Variants in INSR observed in about 807,000 individuals in gnomAD.
INSR encodes the protein IR.
Under a neutral mutation model 142.6 loss-of-function variants are expected in INSR, and 67 were observed. That is an observed-to-expected ratio of 0.47 (90% CI 0.39 to 0.58). INSR has a LOEUF of 0.58. Among genes scored for constraint, INSR ranks in the 20% least tolerant of loss-of-function variants. The pLI is 0.00. For synonymous variants in INSR, 756 were observed against 743.1 expected, an observed-to-expected ratio of 1.02 and a Z score of -0.28; for missense variants, 1,248 against 1,833.2, an observed-to-expected ratio of 0.68 and a Z score of 5.83.
intron 2 of INSR, among the ~76,000 whole-genome samples, chr19:7,237,276 T>G (rs1976188626): frequency 6.6e-6 from 1 of 151,616 alleles, no homozygotes; most frequent in African/African-American, 2.4e-5. Flanking sequence ...CCCAGCACAT[T>G]AGGAGGCCAA....
intron 12 of INSR, 144 bp from the exon 13 acceptor site, chr19:7,141,960 C>T: frequency 1.4e-6 from 1 of 721,336 alleles, no homozygotes; most frequent in Admixed American, 2.0e-5. Flanking sequence ...ATCTAAAACT[C>T]ATCCCACAAG....
intron 2 of INSR, among the ~76,000 whole-genome samples, chr19:7,231,775 CT>C (rs11453584): frequency 1.3e-3 from 184 of 145,208 alleles, no homozygotes; most frequent in Non-Finnish European, 7.4e-4. Flanking sequence ...TTTTCTGTCT[CT>C]TTTTTTTTTT....
intron 2 of INSR, among the ~76,000 whole-genome samples, chr19:7,202,549 G>C (rs1018427819): frequency 6.6e-6 from 1 of 152,066 alleles, no homozygotes; most frequent in African/African-American, 2.4e-5. Flanking sequence ...CAGGCTAGAA[G>C]AGTCCAATGG....
Position 7,119,692 on chromosome 19 carries a change from GC to G in INSR, c.3660-110del. 2 of 1,218,684 alleles carry G rather than the reference GC, an allele frequency of 1.6e-6. No individual in the cohort carries two copies. Among genetic ancestry groups the G allele is most frequent in the Non-Finnish European group, 2.4e-6 (2 of 843,560 alleles). The allele number at this position is 1,218,684 out of a possible 1,614,324, so 75.5% of individuals were successfully genotyped here. On this transcript the variant is annotated intron_variant, in intron 20 of 21. Transcript: ENST00000302850. The surrounding 1 kb of genome is among the most constrained non-coding windows in gnomAD (Gnocchi z 5.2). ...CGCACACACACACGCAAACACACAT[GC>G]CAACACATACATGCAAACACACACA...
intron 2 of INSR, among the ~76,000 whole-genome samples, chr19:7,209,015 C>A (rs1238348790): frequency 4.0e-5 from 6 of 151,848 alleles, no homozygotes; most frequent in Admixed American, 2.0e-4. Context: ...AAAAAATTAG[C>A]TGGGCATAGT....
chr19:7,245,745 C>T (rs552211219), intron 2 of INSR, among the ~76,000 whole-genome samples: 1 of 152,134 alleles, frequency 6.6e-6, no homozygotes, highest in Non-Finnish European at 1.5e-5. Flanking sequence ...CACGCCCAGC[C>T]GAGCCCCACT....
intron 1 of INSR, among the ~76,000 whole-genome samples, chr19:7,286,389 T>C (rs1417749823): frequency 6.6e-6 from 1 of 151,908 alleles, no homozygotes; most frequent in African/African-American, 2.4e-5. Context: ...TTTTTTTTTA[T>C]TATTTCTTTT....
At position 7,131,783 on chromosome 19, in the gene INSR, G is replaced by C. The variant is rs989043882; in HGVS notation, c.2842+375C>G. On this transcript the variant is annotated intron_variant, in intron 14 of 21. Coordinates refer to ENST00000302850, the MANE Select transcript of INSR (RefSeq NM_000208.4). ...GGAGGCCGAGGCGGGTGGATCACTT[G>C]AGGTCAGGAGTTTGAGACCAGCCTG... 4.1e-5 allele frequency among the ~76,000 whole-genome samples: 6 copies of C among 146,120 alleles called. No homozygotes were observed. The Admixed American group carries it at 4.1e-4, about 10-fold the overall frequency.
intron 2 of INSR, among the ~76,000 whole-genome samples, chr19:7,195,927 CTTTCTTTTT>C (rs1268650653): frequency 1.8e-4 from 18 of 99,828 alleles, no homozygotes; most frequent in Non-Finnish European, 3.4e-4. Context: ...TCTTTCTTTT[CTTTCTTTTT>C]TTTTTTTTTT....
In INSR at chr19:7,126,520, G is replaced by A; in HGVS notation, c.3013+64C>T. Reference sequence around the variant, plus strand: ...AACCCATCCTTCACTCTCACTCAATGGTGAAGGCAAAGGAAGCTGATGAGT... The same window carrying A: ...AACCCATCCTTCACTCTCACTCAATAGTGAAGGCAAAGGAAGCTGATGAGT... On this transcript the variant is annotated intron_variant, in intron 16 of 21. Transcript: ENST00000302850. 2.2e-6 allele frequency: 3 copies of A among 1,388,428 alleles called. No individual in the cohort carries two copies. In the South Asian group the frequency reaches 3.7e-5, roughly 17 times the overall value. 86.0% of individuals were successfully genotyped at this position (1,388,428 alleles called of 1,614,324 possible).
chr19:7,125,630 A>G lies in INSR; in HGVS notation c.3014-103T>C. ...CCAAACCCCCTCGAAAACACTCATG[A>G]AATGAGTTCTGTGATCCAGGACCCA... On this transcript the variant is annotated intron_variant, in intron 16 of 21. Coordinates refer to ENST00000302850, the MANE Select transcript of INSR (RefSeq NM_000208.4). This position sits in a 1 kb window ranked among gnomAD's most constrained non-coding sequence, Gnocchi z 4.9. The G allele has an allele frequency of 6.7e-7, 1 of 1,484,096 alleles. No homozygotes were observed. Among genetic ancestry groups the G allele is most frequent in the Non-Finnish European group, 9.3e-7 (1 of 1,078,922 alleles). The allele number at this position is 1,484,096 out of a possible 1,614,324, so 91.9% of individuals were successfully genotyped here. A position where few individuals can be genotyped will look rare whatever the true frequency, so the allele number is the denominator to read the frequency against.
At chr19:7,151,162 C>CTCTTTCTTTCTTTCTTTCTTTCTTTCTT (rs1218566297) in intron 10 of INSR, among the ~76,000 whole-genome samples, 2 of 45,850 alleles carry the variant, frequency 4.4e-5, no homozygotes, top group South Asian at 7.0e-4. Flanking sequence ...TTCTTTCTTT[C>CTCTTTCTTTCTTTCTTTCTTTCTTTCTT]TCTTTCTTTC....
At chr19:7,269,171 A>T (rs987911456) in intron 1 of INSR, among the ~76,000 whole-genome samples, 1 of 150,890 alleles carries the variant, frequency 6.6e-6, no homozygotes, top group Non-Finnish European at 1.5e-5. Flanking sequence ...AATATCTTTG[A>T]GGAAAACAGA....
rs753461226 is a variant in INSR, at chr19:7,132,261, C to T, written c.2739G>A (p.Leu913=). ...KHFALERGCR[L]RGLSPGNYSV... is the part of the protein sequence containing the mutation. ...TGTAGTTCCCCGGTGACAGCCCACGCAGCCTGCAGCCCCGTTCCAGAGCGA... is the reference window on the plus strand; with the variant it reads ...TGTAGTTCCCCGGTGACAGCCCACGTAGCCTGCAGCCCCGTTCCAGAGCGA... The change falls in exon 14 of 22, where the codon CTG becomes CTA. Residue 913 remains leucine, a synonymous_variant. Transcript: ENST00000302850. 1.2e-6 allele frequency: 2 copies of T among 1,614,224 alleles called. No homozygotes were observed. The highest frequency in any genetic ancestry group is 1.7e-6 in the Non-Finnish European group (2 of 1,180,040).
chr19:7,215,105 G>A (rs543026548), intron 2 of INSR, among the ~76,000 whole-genome samples: 8 of 152,064 alleles, frequency 5.3e-5, no homozygotes, highest in South Asian at 2.1e-4. Context: ...ACAGGCACAC[G>A]CCACTGTGCC....
chr19:7,244,728 G>A (rs1283580696), intron 2 of INSR, among the ~76,000 whole-genome samples: 1 of 152,006 alleles, frequency 6.6e-6, no homozygotes, highest in Non-Finnish European at 1.5e-5. Flanking sequence ...GACAAGTTCT[G>A]TTTAGAAATA....
chr19:7,153,354 C>T (rs1350542062), intron 9 of INSR, among the ~76,000 whole-genome samples: 25 of 103,050 alleles, frequency 2.4e-4, no homozygotes, highest in East Asian at 1.2e-3. Context: ...CCACAGACCA[C>T]ACACCACACA....
intron 1 of INSR, among the ~76,000 whole-genome samples, chr19:7,289,045 G>A (rs1043652656): frequency 7.9e-5 from 12 of 152,088 alleles, no homozygotes; most frequent in African/African-American, 1.4e-4. Context: ...CAGGTAGAAG[G>A]AGAAGAGAAC....
In INSR at chr19:7,120,627, CAGA is replaced by C; in HGVS notation, c.3649_3651del (p.Ser1217del). On this transcript the variant is annotated inframe_deletion, in exon 20 of 22. Coordinates refer to ENST00000302850, the MANE Select transcript of INSR (RefSeq NM_000208.4). ...CATCCACACACAACTCACCACATGT[CAGA>C]AGAAGTGGTGAAGACCCCATCCTTC... 6.2e-7 allele frequency: 1 copy of C among 1,614,120 alleles called. No individual in the cohort carries two copies. Among genetic ancestry groups the C allele is most frequent in the Non-Finnish European group, 8.5e-7 (1 of 1,179,984 alleles).
Sources: gnomAD v4.1 joint callset for allele counts (sites outside exome capture counted in the v4.1 genomes callset) on GRCh38, gnomAD v4.1.1 for gene constraint, Gnocchi (gnomAD v3.1) non-coding constraint, MANE v1.5 for transcripts, NCBI Gene and HGNC (gene_info 2026-07-23, HGNC 2026-07-21) for gene names.